The following ANO3 variants were observed in gnomAD, a reference collection of about 807,000 sequenced individuals.
ANO3 encodes the protein anoctamin 3, also known as anoctamin-3.
In ANO3, 99 loss-of-function variants were observed where a neutral mutation model predicts 144.8. That is an observed-to-expected ratio of 0.68 (90% CI 0.58 to 0.81). The LOEUF (loss-of-function observed/expected upper bound fraction) is 0.81. Ranked by LOEUF, ANO3 falls within the 30% of genes least tolerant of loss-of-function variation. The pLI is 0.00. For missense variants in ANO3, 905 were observed against 1,202.2 expected, an observed-to-expected ratio of 0.75 and a Z score of 3.66; for synonymous variants, 414 against 392.6, an observed-to-expected ratio of 1.05 and a Z score of -0.64.
rs569054891 is a variant in ANO3 at position 26,301,677 on chromosome 11, A to G, written c.155-7968A>G. 5.3e-5 allele frequency among the ~76,000 whole-genome samples: 8 copies of G among 152,304 alleles called. No homozygotes were observed. In the South Asian group the frequency reaches 1.7e-3, roughly 32 times the overall value. On this transcript the variant is annotated intron_variant, in intron 1 of 27. Transcript: ENST00000672621. ...GAAGAGAGACAGAGAATGAAAAATG[A>G]ATGTTAAGTTCAGGTAAAAGATTCT...
intron 1 of ANO3, among the ~76,000 whole-genome samples, chr11:26,218,947 G>A (rs1024973124): frequency 9.2e-5 from 14 of 152,132 alleles, no homozygotes; most frequent in Admixed American, 5.9e-4. Context: ...CCTAAGCTCT[G>A]TTGAGAAATT....
rs376866871 is a variant in ANO3 at position 26,393,665 on chromosome 11, G to A, written c.47-48253G>A. ...CATTTGCTGCTTTAGTTTTCAGAAG[G>A]TATTCAGTACTTTTACAAAATGTAT... On this transcript the variant is annotated intron_variant, in intron 1 of 26. Transcript: ENST00000256737. Among the ~76,000 whole-genome samples the A allele has an allele frequency of 1.3e-4, 20 of 152,208 alleles. No individual in the cohort carries two copies. The East Asian group carries it at 2.7e-3, about 21-fold the overall frequency.
chr11:26,615,828 A>C (rs1461183466), intron 17 of ANO3, among the ~76,000 whole-genome samples: 1 of 152,012 alleles, frequency 6.6e-6, no homozygotes, highest in Non-Finnish European at 1.5e-5. Context: ...CTTTTCTTTG[A>C]TCGTCCTAAA....
At chr11:26,466,434 C>G (rs899913126) in intron 4 of ANO3, among the ~76,000 whole-genome samples, 2 of 151,966 alleles carry the variant, frequency 1.3e-5, no homozygotes, top group Non-Finnish European at 2.9e-5. Flanking sequence ...ATTGAACAGG[C>G]CTTGGTCCTC....
chr11:26,402,508 C>T (rs1247295945), intron 1 of ANO3, among the ~76,000 whole-genome samples: 2 of 151,738 alleles, frequency 1.3e-5, no homozygotes, highest in African/African-American at 2.4e-5. Flanking sequence ...ATTTAAGTTC[C>T]TTATAGATAC....
In ANO3 at chr11:26,463,064, A is replaced by G. The variant is rs138889073; in HGVS notation, c.348A>G (p.Ser116=). 301 of 1,595,220 alleles carry G rather than the reference A, an allele frequency of 1.9e-4. No homozygotes were observed. The African/African-American group carries it at 2.2e-3, about 12-fold the overall frequency. ...LGKDKDYTDE[S]EHATYDRSRL... ...AAGATAAGGATTACACGGATGAATC[A>G]GAACACGCTACTTATGACCGATCTC... Residue 116 remains serine (S), a synonymous_variant, in exon 4 of 27, where the codon TCA becomes TCG. Transcript: ENST00000256737.
In ANO3 at chr11:26,634,914, G is replaced by A. The variant is rs559140770; in HGVS notation, c.1986-99G>A. The A allele has an allele frequency of 2.0e-4, 178 of 912,224 alleles. 1 individual carries two copies. In the South Asian group the frequency reaches 2.3e-3, roughly 12 times the overall value. 56.5% of individuals were successfully genotyped at this position (912,224 alleles called of 1,614,324 possible). A position where few individuals can be genotyped will look rare whatever the true frequency, so the allele number is the denominator to read the frequency against. On this transcript the variant is annotated intron_variant, in intron 19 of 26. Coordinates refer to ENST00000256737, the MANE Select transcript of ANO3 (RefSeq NM_031418.4). ...CTGGGGACAGATTGCACCAGTGAGCGTTTATGTCTACCCACACATGCACTC... is the reference window on the plus strand; with the variant it reads ...CTGGGGACAGATTGCACCAGTGAGCATTTATGTCTACCCACACATGCACTC...
At chr11:26,359,995 A>T (rs1855882095) in intron 1 of ANO3, among the ~76,000 whole-genome samples, 1 of 151,806 alleles carries the variant, frequency 6.6e-6, no homozygotes, top group African/African-American at 2.4e-5. Flanking sequence ...GTAAATTACA[A>T]ACTATATTAA....
intron 1 of ANO3, among the ~76,000 whole-genome samples, chr11:26,335,501 A>G (rs972419448): frequency 6.6e-6 from 1 of 152,114 alleles, no homozygotes; most frequent in Non-Finnish European, 1.5e-5. Context: ...AATAGTCTGG[A>G]GTTAACTATC....
chr11:26,622,467 A>G (rs1004223724), intron 17 of ANO3, among the ~76,000 whole-genome samples: 3 of 151,370 alleles, frequency 2.0e-5, no homozygotes, highest in Non-Finnish European at 2.9e-5. Flanking sequence ...GCCAGGCATC[A>G]TAGTGGTGTG....
At chr11:26,585,572 C>T in intron 14 of ANO3, among the ~76,000 whole-genome samples, 1 of 138,572 alleles carries the variant, frequency 7.2e-6, no homozygotes, top group South Asian at 2.2e-4. Context: ...TTCATTTCTG[C>T]TGTTTTTTCT....
intron 23 of ANO3, among the ~76,000 whole-genome samples, chr11:26,645,161 A>G (rs72881742): frequency 0.024 from 3,686 of 152,032 alleles, 55 homozygotes; most frequent in South Asian, 0.04. Context: ...GATGCATTTA[A>G]TTGTTGTTCA....
chr11:26,608,113 T>C (rs944013649), intron 17 of ANO3, among the ~76,000 whole-genome samples: 1 of 152,068 alleles, frequency 6.6e-6, no homozygotes, highest in Non-Finnish European at 1.5e-5. Flanking sequence ...TTGGATGGGG[T>C]TTTTGTAGGG....
intron 1 of ANO3, among the ~76,000 whole-genome samples, chr11:26,413,554 G>T (rs1857489758): frequency 6.6e-6 from 1 of 151,728 alleles, no homozygotes; most frequent in Non-Finnish European, 1.5e-5. Context: ...TAATATGCTG[G>T]CAATCTAATT....
intron 24 of ANO3, among the ~76,000 whole-genome samples, chr11:26,651,190 A>G (rs1348656103): frequency 6.6e-6 from 1 of 152,218 alleles, no homozygotes; most frequent in Non-Finnish European, 1.5e-5. Flanking sequence ...CCCATATTTG[A>G]TGTTATAAAA....
At chr11:26,513,485 C>A (rs185585473) in intron 5 of ANO3, among the ~76,000 whole-genome samples, 5 of 152,126 alleles carry the variant, frequency 3.3e-5, no homozygotes, top group African/African-American at 7.2e-5. Context: ...CGGGAACAAC[C>A]TGGTAGTAGG....
chr11:26,633,271 AC>A, intron 18 of ANO3, among the ~76,000 whole-genome samples: 1 of 152,312 alleles, frequency 6.6e-6, no homozygotes, highest in African/African-American at 2.4e-5. Flanking sequence ...GCATTATAAA[AC>A]CATAAGATGT....
rs991612006 is a variant in ANO3 at position 26,311,917 on chromosome 11, G to A, written c.-3+2198G>A. On this transcript the variant is annotated intron_variant, in intron 1 of 26. Coordinates refer to the ANO3 transcript ENST00000525139. The stretch of plus-strand genomic sequence containing the variant: ...CACAATGTGCAGGTTTGTTAAATAC[G>A]TATACATGTGCCACGTTGGTGTGCT... 5.9e-5 allele frequency among the ~76,000 whole-genome samples: 9 copies of A among 152,192 alleles called. No individual in the cohort carries two copies. The South Asian group carries it at 8.3e-4, about 14-fold the overall frequency.
chr11:26,457,393 G>A (rs1859209350), intron 3 of ANO3, among the ~76,000 whole-genome samples: 2 of 150,138 alleles, frequency 1.3e-5, no homozygotes, highest in African/African-American at 4.9e-5. Context: ...TGGCATACTC[G>A]AGGTAATTAC....
Sources: allele counts gnomAD v4.1 joint callset (sites outside exome capture counted in the v4.1 genomes callset), GRCh38; gene constraint gnomAD v4.1.1; transcripts MANE v1.5; gene names NCBI Gene and HGNC (gene_info 2026-07-23, HGNC 2026-07-21).